Variants in MACC1 observed in about 807,000 individuals in gnomAD.
MACC1 encodes MET transcriptional regulator MACC1.
In MACC1, 79 loss-of-function variants were observed where a neutral mutation model predicts 70.7. That is an observed-to-expected ratio of 1.12 (90% CI 0.93 to 1.35). The LOEUF (loss-of-function observed/expected upper bound fraction) is 1.35. MACC1 is among the 40% of genes most tolerant of loss of function. The pLI, the probability that MACC1 is intolerant of heterozygous loss-of-function variation, is 0.00. For missense variants in MACC1, 1,106 were observed against 978.1 expected (o/e 1.13, Z -1.74); for synonymous variants, 361 against 347.2 (o/e 1.04, Z -0.44).
At chr7:20,157,830 C>T (rs973071) in intron 5 of MACC1, among the ~76,000 whole-genome samples, 98,373 of 150,818 alleles carry the variant, frequency 0.65, 33,341 homozygotes, top group East Asian at 0.87. Context: ...AAAGTAGATC[C>T]CTAACAATGG....
rs1052217667 is a variant in MACC1, at chr7:20,138,773, C to G, written c.*2173G>C. On this transcript the variant is annotated 3_prime_UTR_variant, in exon 7 of 7. Coordinates refer to ENST00000400331, the MANE Select transcript of MACC1 (RefSeq NM_182762.4). ...CTGCAAGCTCCGCCTCCCGGGTTCA[C>G]GCCATTCTCCTGCCTCAGCCTCCTG... 5.3e-5 allele frequency: 8 copies of G among 151,736 alleles called. No homozygotes were observed. The allele number at this position is 151,736 out of a possible 1,614,324, so 9.4% of individuals were successfully genotyped here.
At chr7:20,174,203 T>C (rs1782358220) in intron 1 of MACC1, among the ~76,000 whole-genome samples, 1 of 152,188 alleles carries the variant, frequency 6.6e-6, no homozygotes, top group Admixed American at 6.5e-5. Flanking sequence ...AATATGTGTA[T>C]AAAGACAAAG....
chr7:20,154,345 G>T lies in MACC1; in HGVS notation c.2194C>A (p.Arg732Ser). Residue 732 changes from arginine (R) to serine (S), a missense_variant, in exon 6 of 7, where the codon CGT becomes AGT. Physicochemically the swap from Arg to Ser is moderately radical, Grantham distance 110. Coordinates refer to ENST00000400331, the MANE Select transcript of MACC1 (RefSeq NM_182762.4). Reference sequence around the variant, plus strand: ...AGAACAGCAGCTTCTTGGATGAGACGTGCGACTAACTCTTGGCAATCCATT... The same window carrying T: ...AGAACAGCAGCTTCTTGGATGAGACTTGCGACTAACTCTTGGCAATCCATT... ...LKMDCQELVA[R>S]LIQEAAVLTS... The T allele has an allele frequency of 6.2e-7, 1 of 1,613,834 alleles. No homozygotes were observed. The highest frequency in any genetic ancestry group is 2.2e-5 in the East Asian group (1 of 44,866).
At chr7:20,168,135 G>A (rs554680439) in intron 2 of MACC1, among the ~76,000 whole-genome samples, 43 of 151,952 alleles carry the variant, frequency 2.8e-4, no homozygotes, top group Non-Finnish European at 5.3e-4. Flanking sequence ...CATTTTACAC[G>A]TGTGTGTGCA....
rs996903174 is a variant in MACC1 at position 20,141,544 on chromosome 7, G to A, written c.2347-386C>T. Among the ~76,000 whole-genome samples the A allele has an allele frequency of 1.2e-4, 12 of 99,540 alleles. No homozygotes were observed. In the South Asian group the frequency reaches 3.2e-3, roughly 27 times the overall value. 65.3% of individuals were successfully genotyped at this position (99,540 alleles called of 152,430 possible). A position where few individuals can be genotyped will look rare whatever the true frequency, so the allele number is the denominator to read the frequency against. On this transcript the variant is annotated intron_variant, in intron 6 of 6. Coordinates refer to ENST00000400331, the MANE Select transcript of MACC1 (RefSeq NM_182762.4). ...TTAATTATTATTATTATACCTATCT[G>A]TGGTGAGTTTTATGACACCAAATAA...
Position 20,139,825 on chromosome 7 carries a change from T to TACACACAA in MACC1, c.*1120_*1121insTTGTGTGT, listed in dbSNP as rs1491270893. The TACACACAA allele has an allele frequency of 5.5e-5, 8 of 146,140 alleles. No individual in the cohort carries two copies. In the East Asian group the frequency reaches 1.2e-3, roughly 22 times the overall value. 9.1% of individuals were successfully genotyped at this position (146,140 alleles called of 1,614,324 possible). ...GGCTGTGCTTTATAAAACACTGTGG[T>TACACACAA]ACACACACACACACACACACACACA... On this transcript the variant is annotated 3_prime_UTR_variant, in exon 7 of 7. Coordinates refer to ENST00000400331, the MANE Select transcript of MACC1 (RefSeq NM_182762.4).
chr7:20,154,221 C>G lies in MACC1; in HGVS notation c.2318G>C (p.Arg773Pro). 4.3e-6 allele frequency: 7 copies of G among 1,613,900 alleles called. No homozygotes were observed. Among genetic ancestry groups the G allele is most frequent in the East Asian group, 2.2e-5 (1 of 44,870 alleles). The change falls in exon 6 of 7, where the codon CGA (arginine) becomes CCA (proline). Residue 773 changes from arginine (R) to proline (P), a missense_variant. Coordinates refer to ENST00000400331, the MANE Select transcript of MACC1 (RefSeq NM_182762.4). ...AACAGCAACATCTCCAGTGTTTCCT[C>G]GATGAGGAATTTCATATGCCTCCAT... ...QQMEAYEIPH[R>P]GNTGDVAVEM...
intron 5 of MACC1, 99 bp downstream of exon 5, chr7:20,158,105 A>G: frequency 7.1e-7 from 1 of 1,404,050 alleles, no homozygotes; most frequent in Non-Finnish European, 9.5e-7. Flanking sequence ...AGACTGTTGA[A>G]TTTTTAAACA....
intron 1 of MACC1, among the ~76,000 whole-genome samples, chr7:20,194,957 A>G (rs1295833939): frequency 6.6e-6 from 1 of 152,218 alleles, no homozygotes; most frequent in African/African-American, 2.4e-5. Context: ...GAATTTGCCT[A>G]AATTTTTAGT....
At chr7:20,151,341 T>G (rs980414507) in intron 6 of MACC1, among the ~76,000 whole-genome samples, 8 of 152,202 alleles carry the variant, frequency 5.3e-5, no homozygotes, top group African/African-American at 1.7e-4. Flanking sequence ...GATTCCTTTT[T>G]TAAAAAATTA....
chr7:20,197,743 G>A (rs1047436444), intron 1 of MACC1, among the ~76,000 whole-genome samples: 2 of 152,162 alleles, frequency 1.3e-5, no homozygotes, highest in African/African-American at 4.8e-5. Context: ...CCCTATTTGA[G>A]CTTCAAATTT....
chr7:20,168,106 G>T (rs1406556743), intron 2 of MACC1, among the ~76,000 whole-genome samples: 1 of 152,054 alleles, frequency 6.6e-6, no homozygotes, highest in Non-Finnish European at 1.5e-5. Context: ...TTTTTTATTT[G>T]AATTCCCTAC....
At position 20,160,167 on chromosome 7, in the gene MACC1, T is replaced by G. The variant is rs1562586568; in HGVS notation, c.194A>C (p.Asn65Thr). The G allele has an allele frequency of 1.2e-6, 2 of 1,611,312 alleles. No individual in the cohort carries two copies. The highest frequency in any genetic ancestry group is 4.5e-5 in the East Asian group (2 of 44,858). ...AGCAGACAGTTGATTCCAGAATGGATTTGCAACTTTGGAAGCATTATTACC... is the reference window on the plus strand; with the variant it reads ...AGCAGACAGTTGATTCCAGAATGGAGTTGCAACTTTGGAAGCATTATTACC... ...LRGNNASKVA[N>T]PFWNQLSASN... The change falls in exon 5 of 7, where the codon AAT becomes ACT. Residue 65 changes from asparagine (N) to threonine (T), a missense_variant. Coordinates refer to ENST00000400331, the MANE Select transcript of MACC1 (RefSeq NM_182762.4).
At position 20,159,694 on chromosome 7, in the gene MACC1, C is replaced by T. The variant is rs201791258; in HGVS notation, c.667G>A (p.Gly223Arg). The T allele has an allele frequency of 2.5e-5, 40 of 1,614,142 alleles. No homozygotes were observed. In the Admixed American group the frequency reaches 2.7e-4, roughly 11 times the overall value. ...TIACKVNHQG[G>R]SVQLPESDIT... ...TCTGATTCAGGTAATTGTACTGACCCTCCTTGATGGTTTACTTTGCAAGCT... is the reference window on the plus strand; with the variant it reads ...TCTGATTCAGGTAATTGTACTGACCTTCCTTGATGGTTTACTTTGCAAGCT... The change falls in exon 5 of 7, where the codon GGG becomes AGG. Residue 223 changes from glycine (G) to arginine (R), a missense_variant. By Grantham distance (125) the Gly-to-Arg change is moderately radical. Coordinates refer to ENST00000400331, the MANE Select transcript of MACC1 (RefSeq NM_182762.4).
chr7:20,174,656 T>C (rs1583396752), intron 1 of MACC1, among the ~76,000 whole-genome samples: 2 of 152,236 alleles, frequency 1.3e-5, no homozygotes, highest in East Asian at 3.9e-4. Flanking sequence ...TTATTTCAAA[T>C]GGCATTTCCC....
rs549299394 is a variant in MACC1 at position 20,137,500 on chromosome 7, A to G, written c.*3446T>C. 41 of 152,316 alleles carry G rather than the reference A, an allele frequency of 2.7e-4. No individual in the cohort carries two copies. Among genetic ancestry groups the G allele is most frequent in the African/African-American group, 9.1e-4 (38 of 41,582 alleles). 9.4% of individuals were successfully genotyped at this position (152,316 alleles called of 1,614,324 possible). ...GATCTGTGGCTTATACAGAAAAATTATTATGTTTCAAGCTGGGCACTTAAT... is the reference window on the plus strand; with the variant it reads ...GATCTGTGGCTTATACAGAAAAATTGTTATGTTTCAAGCTGGGCACTTAAT... On this transcript the variant is annotated 3_prime_UTR_variant, in exon 7 of 7. Transcript: ENST00000400331.
chr7:20,140,358 G>C lies in MACC1; in HGVS notation c.*588C>G, dbSNP rs888106454. The C allele has an allele frequency of 1.1e-4, 16 of 152,152 alleles. No homozygotes were observed. Among genetic ancestry groups the C allele is most frequent in the African/African-American group, 3.6e-4 (15 of 41,416 alleles). The allele number at this position is 152,152 out of a possible 1,614,324, so 9.4% of individuals were successfully genotyped here. ...AGCCTCAGACGTTCTCTCCACTTCT[G>C]AGTTTCTCCCCATGAAAAATGGGGG... On this transcript the variant is annotated 3_prime_UTR_variant, in exon 7 of 7. Transcript: ENST00000400331.
intron 1 of MACC1, among the ~76,000 whole-genome samples, chr7:20,189,929 G>A (rs1238907773): frequency 1.3e-5 from 2 of 152,114 alleles, no homozygotes; most frequent in Non-Finnish European, 2.9e-5. Flanking sequence ...GGTGGGTGAG[G>A]TTCTTGGTGA....
intron 6 of MACC1, chr7:20,141,920 T>C (rs58183259): frequency 0.1 from 15,190 of 149,438 alleles, 938 homozygotes; most frequent in Middle Eastern, 0.18. Context: ...ATAAGACAAA[T>C]TGTAGAATAC....
Sources: gnomAD v4.1 joint callset for allele counts (sites outside exome capture counted in the v4.1 genomes callset) on GRCh38, gnomAD v4.1.1 for gene constraint, MANE v1.5 for transcripts, NCBI Gene and HGNC (gene_info 2026-07-23, HGNC 2026-07-21) for gene names.